RASAL2: variants seen among roughly 807,000 people sequenced by gnomAD.
RASAL2 encodes the protein ras GTPase-activating protein nGAP.
RASAL2 carries 58 observed loss-of-function variants against 128.9 expected under a neutral mutation model. That is an observed-to-expected ratio of 0.45 (90% CI 0.36 to 0.56). The LOEUF (loss-of-function observed/expected upper bound fraction) is 0.56, where lower values mean the gene tolerates loss of function less well. Ranked by LOEUF, RASAL2 falls within the 20% of genes least tolerant of loss-of-function variation. The pLI is 0.00. For missense variants in RASAL2, 1,360 were observed against 1,601.6 expected, an observed-to-expected ratio of 0.85 and a Z score of 2.57; for synonymous variants, 561 against 580.8, an observed-to-expected ratio of 0.97 and a Z score of 0.49.
At chr1:178,258,567 C>G (rs1665498829) in intron 1 of RASAL2, among the ~76,000 whole-genome samples, 2 of 152,112 alleles carry the variant, frequency 1.3e-5, no homozygotes, top group Admixed American at 1.3e-4. Flanking sequence ...CAGTGAGATA[C>G]CACATCTTGC....
At chr1:178,197,522 T>C (rs1396370143) in intron 1 of RASAL2, among the ~76,000 whole-genome samples, 2 of 150,790 alleles carry the variant, frequency 1.3e-5, no homozygotes, top group East Asian at 3.9e-4. Flanking sequence ...GGCAGGAGAA[T>C]TGCTTGAACC....
At chr1:178,188,691 G>A (rs1241012735) in intron 1 of RASAL2, among the ~76,000 whole-genome samples, 1 of 151,906 alleles carries the variant, frequency 6.6e-6, no homozygotes, top group East Asian at 1.9e-4. Context: ...ACTTACATTC[G>A]GATTCTATGA....
At chr1:178,259,367 G>C (rs981304289) in intron 1 of RASAL2, among the ~76,000 whole-genome samples, 1 of 151,796 alleles carries the variant, frequency 6.6e-6, no homozygotes, top group African/African-American at 2.4e-5. Context: ...TCCTGACCTC[G>C]TGATCCGCCC....
At chr1:178,451,465 A>C in intron 9 of RASAL2, 106 bp from the exon 10 acceptor site, 2 of 1,250,534 alleles carry the variant, frequency 1.6e-6, no homozygotes, top group Non-Finnish European at 2.1e-6. Context: ...TCAGATCTAG[A>C]AAAGAATTCC....
Position 178,300,618 on chromosome 1 carries a change from G to A in RASAL2, c.457+500G>A, listed in dbSNP as rs1270611367. ...ATGCTGGACTATGGTTGGAGTGGGT[G>A]ACAAAAGGGAGAAATCCTACTTCCA... On this transcript the variant is annotated intron_variant, in intron 3 of 17. Coordinates refer to ENST00000367649, the MANE Select transcript of RASAL2 (RefSeq NM_170692.4). Among the ~76,000 whole-genome samples the A allele has an allele frequency of 2.6e-5, 4 of 152,086 alleles. No individual in the cohort carries two copies. The East Asian group carries it at 7.7e-4, about 29-fold the overall frequency.
At chr1:178,424,620 C>T (rs1375511747) in intron 5 of RASAL2, among the ~76,000 whole-genome samples, 1 of 152,090 alleles carries the variant, frequency 6.6e-6, no homozygotes, top group Non-Finnish European at 1.5e-5. Flanking sequence ...CACTACCATC[C>T]CTGGCTTATT....
chr1:178,257,350 T>C (rs115471412), intron 1 of RASAL2, among the ~76,000 whole-genome samples: 2,733 of 152,044 alleles, frequency 0.018, 75 homozygotes, highest in African/African-American at 0.059. Context: ...AGAACACTTC[T>C]TAATGTCACA....
intron 1 of RASAL2, 92 bp from the exon 2 acceptor site, chr1:178,283,470 CTT>C: frequency 6.8e-7 from 1 of 1,463,222 alleles, no homozygotes; most frequent in South Asian, 1.3e-5. Context: ...AGGCTCACCT[CTT>C]TATTTGATTT....
intron 1 of RASAL2, among the ~76,000 whole-genome samples, chr1:178,250,822 C>T (rs1319554115): frequency 4.6e-5 from 7 of 152,066 alleles, no homozygotes; most frequent in African/African-American, 1.4e-4. Flanking sequence ...TGCTTAGTCA[C>T]GTTATTTTGA....
intron 3 of RASAL2, among the ~76,000 whole-genome samples, chr1:178,302,790 C>G (rs113043170): frequency 0.036 from 5,445 of 152,078 alleles, 112 homozygotes; most frequent in Middle Eastern, 0.092. Flanking sequence ...GCCTATAATC[C>G]CAGCACTTTG....
chr1:178,203,251 C>G (rs2101970623), intron 1 of RASAL2, among the ~76,000 whole-genome samples: 1 of 152,284 alleles, frequency 6.6e-6, no homozygotes. Flanking sequence ...CACTTTATGG[C>G]TAAAGATGTG....
intron 3 of RASAL2, among the ~76,000 whole-genome samples, chr1:178,370,119 G>T (rs1407328270): frequency 6.6e-6 from 1 of 152,166 alleles, no homozygotes; most frequent in African/African-American, 2.4e-5. Flanking sequence ...GTTTTAGGCA[G>T]TTGAACAAAA....
At chr1:178,303,856 T>A (rs926706463) in intron 3 of RASAL2, among the ~76,000 whole-genome samples, 2 of 152,172 alleles carry the variant, frequency 1.3e-5, no homozygotes, top group Admixed American at 6.5e-5. Context: ...GTACATCCTG[T>A]CTGATTCCGT....
chr1:178,390,148 G>A lies in RASAL2; in HGVS notation c.506G>A (p.Ser169Asn), dbSNP rs1361884813. The A allele has an allele frequency of 6.2e-7, 1 of 1,613,342 alleles. No homozygotes were observed. The highest frequency in any genetic ancestry group is 1.3e-5 in the African/African-American group (1 of 74,960). The change falls in exon 4 of 18, where the codon AGT (serine) becomes AAT (asparagine). Residue 169 changes from serine (S) to asparagine (N), a missense_variant. By Grantham distance (46) the Ser-to-Asn change is conservative. Coordinates refer to ENST00000367649, the MANE Select transcript of RASAL2 (RefSeq NM_170692.4). ...CGTAGACGGAGTATCTCAGGGACCA[G>A]TACATCAGAGAAACCCAACTCCATG... is the stretch of plus-strand genomic sequence containing the variant. The part of the protein sequence containing the change: ...SPRRRSISGT[S>N]TSEKPNSMDT...
At chr1:178,099,281 T>C (rs1451148373) in intron 1 of RASAL2, among the ~76,000 whole-genome samples, 1 of 152,226 alleles carries the variant, frequency 6.6e-6, no homozygotes, top group Non-Finnish European at 1.5e-5. Context: ...GTTCAATACT[T>C]AGGATGTGGC....
chr1:178,392,304 C>T (rs73035297), intron 4 of RASAL2, among the ~76,000 whole-genome samples: 2,899 of 152,116 alleles, frequency 0.019, 79 homozygotes, highest in African/African-American at 0.063. Flanking sequence ...AAATAATTGA[C>T]AGGGGAAGAA....
rs1211282121 is a variant in RASAL2, at chr1:178,452,415, G to A, written c.1773-1G>A. 1 of 1,613,224 alleles carries A rather than the reference G, an allele frequency of 6.2e-7. No homozygotes were observed. The highest frequency in any genetic ancestry group is 8.5e-7 in the Non-Finnish European group (1 of 1,179,200). On this transcript the variant is annotated splice_acceptor_variant, in intron 10 of 17. Transcript: ENST00000367649. LOFTEE classifies it high-confidence loss of function. ...GTTTTGGTACTTCTTTCCTTCCCTA[G>A]TGTTTTCCCTCGTGAGTTGAAAGAA...
chr1:178,470,733 C>A (rs1356675399), intron 17 of RASAL2: 1 of 1,365,372 alleles, frequency 7.3e-7, no homozygotes, highest in South Asian at 1.1e-5. Flanking sequence ...GGCAAGTAAA[C>A]CCCGCGTCCG....
chr1:178,369,101 T>A (rs1288393335), intron 3 of RASAL2, among the ~76,000 whole-genome samples: 1 of 152,192 alleles, frequency 6.6e-6, no homozygotes, highest in Non-Finnish European at 1.5e-5. Context: ...AACAGTGTAA[T>A]GCCTTATACA....
Sources: allele counts gnomAD v4.1 joint callset (sites outside exome capture counted in the v4.1 genomes callset), GRCh38; gene constraint gnomAD v4.1.1; transcripts MANE v1.5; gene names NCBI Gene and HGNC (gene_info 2026-07-23, HGNC 2026-07-21).